Variants in MRM2 observed in about 807,000 individuals in gnomAD.
The protein encoded by MRM2 is rRNA methyltransferase 2, mitochondrial.
MRM2 carries 15 observed loss-of-function variants against 10.9 expected under a neutral mutation model. The observed-to-expected ratio is 1.37, with a 90% CI of 0.92 to 2.11. MRM2 has a LOEUF of 2.11. MRM2 is among the 30% of genes most tolerant of loss of function. The probability of loss-of-function intolerance (pLI) is 0.00; values close to 1 mark genes in which losing one functional copy is unlikely to be tolerated. For missense variants in MRM2, 328 were observed against 321.3 expected, an observed-to-expected ratio of 1.02 and a Z score of -0.16; for synonymous variants, 139 against 128.7, an observed-to-expected ratio of 1.08 and a Z score of -0.54.
intron 1 of MRM2, 89 bp downstream of exon 1, chr7:2,242,073 C>T: frequency 1.4e-6 from 2 of 1,395,308 alleles, no homozygotes; most frequent in Non-Finnish European, 2.0e-6. Context: ...GCTCGGCACC[C>T]AGCCCCGAGG....
chr7:2,235,038 C>G lies in MRM2; in HGVS notation c.*84G>C, dbSNP rs190379686. 1 of 1,048,060 alleles carries G rather than the reference C, an allele frequency of 9.5e-7. No individual in the cohort carries two copies. The highest frequency in any genetic ancestry group is 2.4e-5 in the East Asian group (1 of 42,010). The allele number at this position is 1,048,060 out of a possible 1,614,324, so 64.9% of individuals were successfully genotyped here. ...CTCCATCTCCAAAATCAGCTCAAATCTCCCAGGAACTCTTCAGGAGCTCAG... is the reference window on the plus strand; with the variant it reads ...CTCCATCTCCAAAATCAGCTCAAATGTCCCAGGAACTCTTCAGGAGCTCAG... On this transcript the variant is annotated 3_prime_UTR_variant, in exon 3 of 3. Transcript: ENST00000242257.
intron 1 of MRM2, chr7:2,240,305 G>C (rs201350106): frequency 2.2e-6 from 1 of 455,936 alleles, no homozygotes; most frequent in African/African-American, 2.0e-5. Flanking sequence ...GCTCTGACAG[G>C]CTGCAAGAAA....
rs1794371009 is a variant in MRM2, at chr7:2,234,248, G to C, written c.*874C>G. ...TTTATTAAATATAAAGCTGCGTCAA[G>C]TTCCTAGATGAGTAAAAGAAAATAA... On this transcript the variant is annotated 3_prime_UTR_variant, in exon 3 of 3. Transcript: ENST00000242257. The C allele has an allele frequency of 6.6e-6, 1 of 152,158 alleles. No individual in the cohort carries two copies. Among genetic ancestry groups the C allele is most frequent in the Non-Finnish European group, 1.5e-5 (1 of 68,036 alleles). The allele number at this position is 152,158 out of a possible 1,614,324, so 9.4% of individuals were successfully genotyped here. A position where few individuals can be genotyped will look rare whatever the true frequency, so the allele number is the denominator to read the frequency against.
At chr7:2,238,818 C>A in intron 2 of MRM2, 1 of 154,090 alleles carries the variant, frequency 6.5e-6, no homozygotes, top group Non-Finnish European at 1.4e-5. Flanking sequence ...TGGCGGGCGC[C>A]TGTAATCCCA....
In MRM2 at chr7:2,235,573, G is replaced by C; in HGVS notation, c.299-9C>G. ...AACAGGAGAGCTGGGATCTATGGAA[G>C]AAATGGTGAATGTGTTATTTATTTA... On this transcript the variant is annotated splice_polypyrimidine_tract_variant and intron_variant, in intron 2 of 2. Transcript: ENST00000242257. 6.3e-7 allele frequency: 1 copy of C among 1,576,524 alleles called. No individual in the cohort carries two copies. Among genetic ancestry groups the C allele is most frequent in the Non-Finnish European group, 8.7e-7 (1 of 1,153,320 alleles).
In MRM2 at chr7:2,235,491, A is replaced by T. The variant is rs1406552938; in HGVS notation, c.372T>A (p.Phe124Leu). 2 of 1,613,842 alleles carry T rather than the reference A, an allele frequency of 1.2e-6. No individual in the cohort carries two copies. Among genetic ancestry groups the T allele is most frequent in the African/African-American group, 2.7e-5 (2 of 74,902 alleles). ...LHIFPLEGATFLCPADVTDPR... is the reference protein window; with the variant it reads ...LHIFPLEGATLLCPADVTDPR... ...GGTCAGTCACGTCAGCAGGGCACAG[A>T]AAAGTTGCTCCTTCCAGGGGGAATA... The change falls in exon 3 of 3, where the codon TTT (phenylalanine) becomes TTA (leucine). Residue 124 changes from phenylalanine (F) to leucine (L), a missense_variant. By Grantham distance (22) the Phe-to-Leu change is conservative (BLOSUM62 0). Transcript: ENST00000242257.
At chr7:2,237,800 G>C (rs1794444376) in intron 2 of MRM2, among the ~76,000 whole-genome samples, 1 of 145,788 alleles carries the variant, frequency 6.9e-6, no homozygotes, top group Non-Finnish European at 1.5e-5. Flanking sequence ...AAATTAGCCG[G>C]AAATCACTTA....
intron 1 of MRM2, chr7:2,241,222 G>C (rs1342090713): frequency 6.7e-6 from 1 of 148,190 alleles, no homozygotes; most frequent in East Asian, 2.0e-4. Flanking sequence ...AGCTGGTCTC[G>C]AACTCCTGAC....
At chr7:2,239,847 A>C (rs11984133) in intron 1 of MRM2, 140 bp from the exon 2 acceptor site, 242,992 of 716,170 alleles carry the variant, frequency 0.34, 42,785 homozygotes, top group East Asian at 0.48. Context: ...TGATAAGGCT[A>C]CACAGATGGA....
At chr7:2,239,879 C>CT (rs893203429) in intron 1 of MRM2, among the ~76,000 whole-genome samples, 172 bp from the exon 2 acceptor site, 33 of 152,220 alleles carry the variant, frequency 2.2e-4, no homozygotes, top group African/African-American at 7.7e-4. Context: ...ACAGGCCAAA[C>CT]TGTGTCCCCG....
chr7:2,240,991 C>G (rs1405205511), intron 1 of MRM2, among the ~76,000 whole-genome samples: 1 of 81,052 alleles, frequency 1.2e-5, no homozygotes, highest in African/African-American at 7.2e-5. Flanking sequence ...CCACTGCACC[C>G]AGGCATTTCT....
At chr7:2,240,795 A>T (rs1794513740) in intron 1 of MRM2, among the ~76,000 whole-genome samples, 1 of 151,758 alleles carries the variant, frequency 6.6e-6, no homozygotes, top group African/African-American at 2.4e-5. Flanking sequence ...CCCGGGTTCA[A>T]GCAATTCTCC....
At chr7:2,239,730 G>A (rs751051491) in intron 1 of MRM2, 23 bp from the exon 2 acceptor site, 2 of 1,603,094 alleles carry the variant, frequency 1.2e-6, no homozygotes, top group Non-Finnish European at 1.7e-6. Flanking sequence ...AAGAGGAGCA[G>A]GCAGGTTGGC....
chr7:2,241,688 C>G (rs1171996715), intron 1 of MRM2, among the ~76,000 whole-genome samples: 1 of 152,246 alleles, frequency 6.6e-6, no homozygotes, highest in Non-Finnish European at 1.5e-5. Context: ...TTCTGCAACA[C>G]CAAAGCGTGC....
intron 1 of MRM2, among the ~76,000 whole-genome samples, chr7:2,241,004 CTTCT>C (rs1794520800): frequency 1.5e-5 from 2 of 135,586 alleles, no homozygotes; most frequent in Non-Finnish European, 3.2e-5. Flanking sequence ...GCATTTCTTT[CTTCT>C]TTTTGTTTTT....
chr7:2,236,056 C>T (rs1344993422), intron 2 of MRM2, among the ~76,000 whole-genome samples: 3 of 151,982 alleles, frequency 2.0e-5, no homozygotes, highest in East Asian at 1.9e-4. Context: ...ATGGGGAAAC[C>T]CCATCTCTAC....
chr7:2,240,389 T>C (rs896420100), intron 1 of MRM2: 12 of 358,336 alleles, frequency 3.3e-5, no homozygotes, highest in Non-Finnish European at 6.7e-5. Flanking sequence ...GGGTCTGGCC[T>C]GTCACATTTC....
Position 2,235,395 on chromosome 7 carries a change from C to T in MRM2, c.468G>A (p.Ala156=), listed in dbSNP as rs779182551. Residue 156 remains alanine (A), a synonymous_variant, in exon 3 of 3, where the codon GCG becomes GCA. Coordinates refer to ENST00000242257, the MANE Select transcript of MRM2 (RefSeq NM_013393.3). ...GGTCCCGGAACCCTGTGGCATTGGG[C>T]GCCATGTCGCTCAGAATCACATCTG... is the stretch of plus-strand genomic sequence containing the variant. The part of the protein sequence containing the change: ...RRADVILSDM[A]PNATGFRDLD... 6.2e-6 allele frequency: 10 copies of T among 1,613,926 alleles called. No homozygotes were observed. The highest frequency in any genetic ancestry group is 4.5e-5 in the East Asian group (2 of 44,898).
rs977724943 is a variant in MRM2 at position 2,235,074 on chromosome 7, T to C, written c.*48A>G. ...TCTTCAGGAGCTCAGGCTACGTTTC[T>C]AGCTTAAAAGGAGCTAATGACCATT... On this transcript the variant is annotated 3_prime_UTR_variant, in exon 3 of 3. Transcript: ENST00000242257. 1.4e-6 allele frequency: 2 copies of C among 1,440,688 alleles called. No homozygotes were observed. The highest frequency in any genetic ancestry group is 9.7e-7 in the Non-Finnish European group (1 of 1,035,784). The allele number at this position is 1,440,688 out of a possible 1,614,324, so 89.2% of individuals were successfully genotyped here.
Sources: allele counts gnomAD v4.1 joint callset (sites outside exome capture counted in the v4.1 genomes callset), GRCh38; gene constraint gnomAD v4.1.1; transcripts MANE v1.5; gene names NCBI Gene and HGNC (gene_info 2026-07-23, HGNC 2026-07-21).